Variants in ANKS1B observed in about 807,000 individuals in gnomAD.
The protein encoded by ANKS1B is ankyrin repeat and sterile alpha motif domain containing 1B.
In ANKS1B, 36 loss-of-function variants were observed where a neutral mutation model predicts 148.3. That is an observed-to-expected ratio of 0.24 (90% confidence interval 0.19 to 0.32). ANKS1B has a LOEUF of 0.32. Ranked by LOEUF, ANKS1B falls within the 10% of genes least tolerant of loss-of-function variation. The pLI is 1.00. For synonymous variants in ANKS1B, 542 were observed against 560.8 expected, an observed-to-expected ratio of 0.97 and a Z score of 0.47; for missense variants, 1,157 against 1,542.6, an observed-to-expected ratio of 0.75 and a Z score of 4.19.
chr12:99,780,010 T>G (rs1308221715), intron 5 of ANKS1B, 38 bp from the exon 6 acceptor site: 2 of 1,341,082 alleles, frequency 1.5e-6, no homozygotes, highest in African/African-American at 2.9e-5. Flanking sequence ...TATACACCAC[T>G]GAAGTATCCT....
intron 9 of ANKS1B, among the ~76,000 whole-genome samples, chr12:99,638,409 A>G (rs1223578405): frequency 6.6e-6 from 1 of 152,130 alleles, no homozygotes; most frequent in African/African-American, 2.4e-5. Context: ...TCAGATGGAG[A>G]TGAGGAACTT....
intron 15 of ANKS1B, among the ~76,000 whole-genome samples, chr12:99,132,497 T>G (rs892596884): frequency 5.4e-5 from 8 of 148,766 alleles, no homozygotes; most frequent in Non-Finnish European, 8.9e-5. Flanking sequence ...AAAAAAAAAG[T>G]AATGAAGAAT....
intron 1 of ANKS1B, among the ~76,000 whole-genome samples, chr12:99,953,436 AAGTAGAT>A (rs1291574694): frequency 6.6e-6 from 1 of 152,182 alleles, no homozygotes; most frequent in Non-Finnish European, 1.5e-5. Context: ...AAAGATAAAG[AAGTAGAT>A]AGTAAAGTAG....
intron 12 of ANKS1B, among the ~76,000 whole-genome samples, chr12:99,253,067 T>C (rs935175988): frequency 6.6e-6 from 1 of 152,024 alleles, no homozygotes; most frequent in Non-Finnish European, 1.5e-5. Context: ...GTACAAAAAG[T>C]GTTTAAAAGA....
At chr12:99,911,105 G>A (rs2093991927) in intron 1 of ANKS1B, among the ~76,000 whole-genome samples, 1 of 152,072 alleles carries the variant, frequency 6.6e-6, no homozygotes, top group South Asian at 2.1e-4. Context: ...GAGATTTAGG[G>A]TGGTGAAATA....
intron 17 of ANKS1B, among the ~76,000 whole-genome samples, chr12:98,845,491 C>G (rs2153736225): frequency 6.6e-6 from 1 of 152,288 alleles, no homozygotes; most frequent in East Asian, 1.9e-4. Context: ...ATATGAACAA[C>G]CAGTACTTTA....
intron 14 of ANKS1B, among the ~76,000 whole-genome samples, chr12:99,164,172 T>C (rs1256501590): frequency 6.6e-6 from 1 of 152,054 alleles, no homozygotes; most frequent in African/African-American, 2.4e-5. Flanking sequence ...TAGGAATTTG[T>C]TGGACTTTTT....
At chr12:99,180,013 A>C (rs2078930621) in intron 14 of ANKS1B, among the ~76,000 whole-genome samples, 1 of 151,992 alleles carries the variant, frequency 6.6e-6, no homozygotes, top group Non-Finnish European at 1.5e-5. Context: ...GCTTCCTTCT[A>C]TTTATTCATT....
chr12:99,814,141 T>A (rs2068793099), intron 2 of ANKS1B, among the ~76,000 whole-genome samples: 1 of 151,658 alleles, frequency 6.6e-6, no homozygotes. Context: ...TGTGACAGGC[T>A]ATATCACTTA....
At chr12:99,091,250 A>G (rs2053886704) in intron 15 of ANKS1B, among the ~76,000 whole-genome samples, 1 of 152,078 alleles carries the variant, frequency 6.6e-6, no homozygotes, top group African/African-American at 2.4e-5. Flanking sequence ...ATTACAATGA[A>G]TTTTCTGTCA....
At chr12:99,046,594 T>C (rs1203850064) in intron 17 of ANKS1B, among the ~76,000 whole-genome samples, 1 of 151,784 alleles carries the variant, frequency 6.6e-6, no homozygotes, top group African/African-American at 2.4e-5. Context: ...GGTCAGGAGA[T>C]GGAGACCATC....
chr12:98,775,057 G>A (rs1395064942), intron 24 of ANKS1B, among the ~76,000 whole-genome samples: 1 of 152,160 alleles, frequency 6.6e-6, no homozygotes, highest in Non-Finnish European at 1.5e-5. Flanking sequence ...AATGTGAGAT[G>A]GTGTGGGAAC....
intron 9 of ANKS1B, among the ~76,000 whole-genome samples, chr12:99,534,778 C>T (rs1269624649): frequency 2.3e-5 from 3 of 131,070 alleles, no homozygotes; most frequent in African/African-American, 8.9e-5. Context: ...GGCATTATTT[C>T]GGCTCACTGC....
At chr12:99,116,083 T>C (rs1359582397) in intron 15 of ANKS1B, among the ~76,000 whole-genome samples, 1 of 152,146 alleles carries the variant, frequency 6.6e-6, no homozygotes, top group African/African-American at 2.4e-5. Flanking sequence ...ATACCAATAG[T>C]TTCTATTGTG....
At chr12:99,058,552 A>T (rs893616625) in intron 16 of ANKS1B, among the ~76,000 whole-genome samples, 1 of 151,716 alleles carries the variant, frequency 6.6e-6, no homozygotes, top group Admixed American at 6.6e-5. Flanking sequence ...CCTGCCCTAT[A>T]TGCTGCCTCT....
intron 12 of ANKS1B, among the ~76,000 whole-genome samples, chr12:99,265,630 G>A (rs1247277253): frequency 3.3e-5 from 5 of 152,148 alleles, no homozygotes; most frequent in Non-Finnish European, 7.4e-5. Context: ...GAGGTGAGCT[G>A]CTAGGAGTTA....
intron 1 of ANKS1B, among the ~76,000 whole-genome samples, chr12:99,913,551 A>G (rs2094075430): frequency 6.6e-6 from 1 of 152,178 alleles, no homozygotes; most frequent in South Asian, 2.1e-4. Context: ...ATAGGTTGCA[A>G]ATAATGGTGT....
chr12:98,926,122 G>A (rs1377192577), intron 17 of ANKS1B, among the ~76,000 whole-genome samples: 1 of 152,096 alleles, frequency 6.6e-6, no homozygotes, highest in Non-Finnish European at 1.5e-5. Context: ...TGACTTTGAG[G>A]TTCTGTGCAA....
At chr12:98,777,265 G>A (rs1357626632) in intron 24 of ANKS1B, among the ~76,000 whole-genome samples, 2 of 152,122 alleles carry the variant, frequency 1.3e-5, no homozygotes, top group Non-Finnish European at 2.9e-5. Flanking sequence ...AAAGTATTTT[G>A]TGCCCCTAAA....
Sources: allele counts gnomAD v4.1 joint callset (sites outside exome capture counted in the v4.1 genomes callset), GRCh38; gene constraint gnomAD v4.1.1; transcripts MANE v1.5; gene names NCBI Gene and HGNC (gene_info 2026-07-23, HGNC 2026-07-21).